Variants in PRKCI observed in about 807,000 individuals in gnomAD.
The protein encoded by PRKCI is protein kinase C iota type.
PRKCI carries 43 observed loss-of-function variants against 84.0 expected under a neutral mutation model. That is an observed-to-expected ratio of 0.51 (90% CI 0.40 to 0.66). The LOEUF is 0.66. Among genes scored for constraint, PRKCI ranks in the 30% least tolerant of loss-of-function variants. PRKCI has a pLI of 0.00. For synonymous variants in PRKCI, 216 were observed against 234.4 expected (o/e 0.92, Z 0.72); for missense variants, 459 against 745.6 (o/e 0.62, Z 4.48).
chr3:170,248,439 A>G (rs79564676), intron 2 of PRKCI, among the ~76,000 whole-genome samples: 13 of 152,296 alleles, frequency 8.5e-5, no homozygotes, highest in Non-Finnish European at 1.3e-4. Context: ...GCACTGAACA[A>G]TTCTCACTCT....
chr3:170,302,066 C>T (rs1734834165), intron 17 of PRKCI, among the ~76,000 whole-genome samples: 1 of 152,170 alleles, frequency 6.6e-6, no homozygotes, highest in African/African-American at 2.4e-5. Context: ...TTGAAATTTT[C>T]CCATCTTTCA....
chr3:170,268,707 C>CTAATTTTTGT (rs1733925314), intron 5 of PRKCI, among the ~76,000 whole-genome samples: 3 of 152,106 alleles, frequency 2.0e-5, no homozygotes, highest in African/African-American at 7.2e-5. Flanking sequence ...ACGTACCAGG[C>CTAATTTTTGT]ACTTTTCCAA....
At chr3:170,251,449 A>G (rs1213670192) in intron 2 of PRKCI, among the ~76,000 whole-genome samples, 1 of 152,230 alleles carries the variant, frequency 6.6e-6, no homozygotes, top group African/African-American at 2.4e-5. Flanking sequence ...ATTGTACAAT[A>G]AATGCCAAGA....
intron 17 of PRKCI, among the ~76,000 whole-genome samples, chr3:170,299,601 T>C (rs1734773009): frequency 6.6e-6 from 1 of 152,270 alleles, no homozygotes; most frequent in Non-Finnish European, 1.5e-5. Context: ...TAATAGTAAC[T>C]GTCATTTTCT....
chr3:170,269,321 C>G (rs1432836262), intron 5 of PRKCI, among the ~76,000 whole-genome samples: 1 of 152,140 alleles, frequency 6.6e-6, no homozygotes, highest in African/African-American at 2.4e-5. Context: ...AACCACCACC[C>G]GAAATCCCTC....
intron 2 of PRKCI, among the ~76,000 whole-genome samples, chr3:170,248,037 C>T (rs1263965436): frequency 6.6e-6 from 1 of 152,000 alleles, no homozygotes; most frequent in African/African-American, 2.4e-5. Flanking sequence ...GTACGAAGGT[C>T]CTAGTGGGAA....
chr3:170,276,691 G>C (rs1049001341), intron 8 of PRKCI, among the ~76,000 whole-genome samples: 19 of 152,038 alleles, frequency 1.2e-4, no homozygotes, highest in African/African-American at 4.6e-4. Flanking sequence ...AATCCTAGAA[G>C]AAAACCTAGG....
chr3:170,247,696 C>T (rs1228325867), intron 2 of PRKCI, among the ~76,000 whole-genome samples: 15 of 137,242 alleles, frequency 1.1e-4, no homozygotes, highest in Middle Eastern at 3.9e-3. Flanking sequence ...TGCCATTGCA[C>T]TCCAGCCTGG....
chr3:170,252,398 G>A (rs141692386), intron 2 of PRKCI, among the ~76,000 whole-genome samples: 50 of 152,196 alleles, frequency 3.3e-4, no homozygotes, highest in African/African-American at 1.1e-3. Context: ...GGGTACATGA[G>A]CTATTTTGAT....
At chr3:170,277,255 GAA>G (rs113651180) in intron 8 of PRKCI, among the ~76,000 whole-genome samples, 1 of 135,924 alleles carries the variant, frequency 7.4e-6, no homozygotes, top group African/African-American at 2.7e-5. Flanking sequence ...TTTAAAAAAA[GAA>G]AAAAAAAAGG....
intron 2 of PRKCI, among the ~76,000 whole-genome samples, chr3:170,245,994 A>C (rs1733274477): frequency 8.6e-6 from 1 of 116,846 alleles, no homozygotes; most frequent in South Asian, 2.5e-4. Flanking sequence ...TTTCTTTGTC[A>C]CCCAGGCTGG....
intron 1 of PRKCI, among the ~76,000 whole-genome samples, chr3:170,224,356 G>T (rs1317891237): frequency 6.6e-6 from 1 of 151,878 alleles, no homozygotes; most frequent in East Asian, 1.9e-4. Context: ...ACCAAGAAAC[G>T]TGTGGATATT....
chr3:170,304,716 G>C lies in PRKCI; in HGVS notation c.*1589G>C, dbSNP rs2090304578. ...TGTTCAGCAGCTTATTATTTAAAGG[G>C]GTGCCAAATATAGCATCCTTCTGTT... On this transcript the variant is annotated 3_prime_UTR_variant, in exon 18 of 18. Coordinates refer to ENST00000295797, the MANE Select transcript of PRKCI (RefSeq NM_002740.6). 6.6e-6 allele frequency: 1 copy of C among 151,856 alleles called. No homozygotes were observed. The highest frequency in any genetic ancestry group is 1.5e-5 in the Non-Finnish European group (1 of 67,956). The allele number at this position is 151,856 out of a possible 1,614,324, so 9.4% of individuals were successfully genotyped here. A position where few individuals can be genotyped will look rare whatever the true frequency, so the allele number is the denominator to read the frequency against.
At chr3:170,229,440 G>C (rs1732729998) in intron 1 of PRKCI, among the ~76,000 whole-genome samples, 1 of 152,098 alleles carries the variant, frequency 6.6e-6, no homozygotes, top group Admixed American at 6.6e-5. Context: ...TCAGCCTCCT[G>C]AGTAGCTAGG....
chr3:170,267,127 G>T (rs9883007), intron 4 of PRKCI, among the ~76,000 whole-genome samples: 7,077 of 152,124 alleles, frequency 0.047, 536 homozygotes, highest in African/African-American at 0.16. Flanking sequence ...TGGCGGGGGG[G>T]TGCGGAATAT....
chr3:170,262,736 C>T (rs1407152599), intron 3 of PRKCI, among the ~76,000 whole-genome samples: 3 of 152,154 alleles, frequency 2.0e-5, no homozygotes, highest in South Asian at 2.1e-4. Context: ...ACCTTGGCCT[C>T]CCAGAGTGCT....
chr3:170,298,402 A>AT (rs1207108049), intron 16 of PRKCI, among the ~76,000 whole-genome samples: 1,682 of 129,586 alleles, frequency 0.013, 11 homozygotes, highest in African/African-American at 0.014. Context: ...CTAATTTTCA[A>AT]TTTTTTTTTT....
In PRKCI at chr3:170,222,453, C is replaced by G. The variant is rs1446501543; in HGVS notation, c.-217C>G. The G allele has an allele frequency of 1.7e-5, 8 of 458,012 alleles. No individual in the cohort carries two copies. The highest frequency in any genetic ancestry group is 3.0e-5 in the Non-Finnish European group (8 of 263,972). 28.4% of individuals were successfully genotyped at this position (458,012 alleles called of 1,614,324 possible). On this transcript the variant is annotated 5_prime_UTR_variant, in exon 1 of 18. Transcript: ENST00000295797. ...CAGGAGGTGTCTTGGGCCCGGGCGG[C>G]TGTAGAGGCGGCGGCGCCTACGGGC...
At chr3:170,298,748 C>T (rs1004170755) in intron 16 of PRKCI, among the ~76,000 whole-genome samples, 12 of 152,136 alleles carry the variant, frequency 7.9e-5, no homozygotes, top group African/African-American at 2.9e-4. Context: ...GCTATGTTGT[C>T]TGGGCTGGTC....
Sources: allele counts gnomAD v4.1 joint callset (sites outside exome capture counted in the v4.1 genomes callset), GRCh38; gene constraint gnomAD v4.1.1; transcripts MANE v1.5; gene names NCBI Gene and HGNC (gene_info 2026-07-23, HGNC 2026-07-21).